Variants in ERBB4 observed in about 807,000 individuals in gnomAD.
ERBB4 encodes receptor tyrosine-protein kinase erbB-4.
Under a neutral mutation model 158.0 loss-of-function variants are expected in ERBB4, and 42 were observed. The observed-to-expected ratio is 0.27, with a 90% CI of 0.21 to 0.34. ERBB4 has a LOEUF of 0.34. Ranked by LOEUF, ERBB4 falls within the 10% of genes least tolerant of loss-of-function variation. The pLI, the probability that ERBB4 is intolerant of heterozygous loss-of-function variation, is 1.00. For missense variants in ERBB4, 1,333 were observed against 1,624.1 expected, an observed-to-expected ratio of 0.82 and a Z score of 3.08; for synonymous variants, 583 against 558.7, an observed-to-expected ratio of 1.04 and a Z score of -0.61.
chr2:212,098,457 C>T (rs1357997142), intron 2 of ERBB4, among the ~76,000 whole-genome samples: 1 of 152,044 alleles, frequency 6.6e-6, no homozygotes, highest in African/African-American at 2.4e-5. Context: ...TTATCTAGGT[C>T]TTATCAATGT....
chr2:212,083,530 T>C (rs77824825), intron 2 of ERBB4, among the ~76,000 whole-genome samples: 22,125 of 151,630 alleles, frequency 0.15, 2,059 homozygotes, highest in Non-Finnish European at 0.2. Context: ...GACAGTAAAA[T>C]AGTCAAGAGA....
intron 16 of ERBB4, among the ~76,000 whole-genome samples, chr2:211,656,550 A>G (rs1337469784): frequency 6.6e-6 from 1 of 152,212 alleles, no homozygotes; most frequent in Non-Finnish European, 1.5e-5. Flanking sequence ...TGATAAGCAC[A>G]TGCTTTTGTA....
At chr2:211,917,809 G>GC (rs1237125682) in intron 3 of ERBB4, among the ~76,000 whole-genome samples, 2 of 152,168 alleles carry the variant, frequency 1.3e-5, no homozygotes, top group Admixed American at 6.6e-5. Flanking sequence ...CCTGAACTGA[G>GC]CATTCACTGA....
intron 2 of ERBB4, among the ~76,000 whole-genome samples, chr2:212,025,447 G>A (rs1190142368): frequency 1.3e-5 from 2 of 151,712 alleles, no homozygotes; most frequent in Non-Finnish European, 3.0e-5. Flanking sequence ...AGAAAGTCTT[G>A]TCCAAAGAGA....
intron 1 of ERBB4, among the ~76,000 whole-genome samples, chr2:212,440,109 C>T (rs989806159): frequency 6.6e-6 from 1 of 152,112 alleles, no homozygotes; most frequent in African/African-American, 2.4e-5. Context: ...AGTAGATGTC[C>T]TTAATTAGCC....
At chr2:211,785,396 C>T (rs967240721) in intron 4 of ERBB4, among the ~76,000 whole-genome samples, 1 of 152,184 alleles carries the variant, frequency 6.6e-6, no homozygotes, top group Non-Finnish European at 1.5e-5. Flanking sequence ...CCACCGCCCC[C>T]AGCCGCACAG....
chr2:211,561,737 C>A, intron 20 of ERBB4, 166 bp downstream of exon 20: 2 of 670,672 alleles, frequency 3.0e-6, no homozygotes, highest in Non-Finnish European at 2.7e-6. Context: ...CGCATTTAAT[C>A]TGTAGTTTAC....
At chr2:212,065,026 TGTTG>T (rs1190090040) in intron 2 of ERBB4, among the ~76,000 whole-genome samples, 26 of 144,128 alleles carry the variant, frequency 1.8e-4, no homozygotes, top group South Asian at 4.6e-4. Context: ...TGTGTGTGTG[TGTTG>T]TGTGTGTGTG....
chr2:211,551,908 A>G (rs2067107756), intron 20 of ERBB4, among the ~76,000 whole-genome samples: 1 of 152,230 alleles, frequency 6.6e-6, no homozygotes, highest in South Asian at 2.1e-4. Context: ...AGGTAAATGA[A>G]GGCTCTGCTC....
At chr2:211,939,966 A>AAAAAATAT (rs1491239788) in intron 3 of ERBB4, among the ~76,000 whole-genome samples, 27 of 137,386 alleles carry the variant, frequency 2.0e-4, no homozygotes, top group Non-Finnish European at 2.9e-4. Context: ...GGAAAAAAAA[A>AAAAAATAT]ATATATATAT....
chr2:211,942,638 T>C (rs1162883623), intron 3 of ERBB4, among the ~76,000 whole-genome samples: 6 of 152,106 alleles, frequency 3.9e-5, no homozygotes, highest in Non-Finnish European at 2.9e-5. Flanking sequence ...TGTTTGTCCA[T>C]ACCTCAGATA....
At chr2:212,385,385 A>C (rs2090641878) in intron 1 of ERBB4, among the ~76,000 whole-genome samples, 2 of 151,924 alleles carry the variant, frequency 1.3e-5, no homozygotes, top group Admixed American at 1.3e-4. Context: ...TGTACTCCTC[A>C]CTCATCGACA....
At chr2:212,150,589 T>A in intron 1 of ERBB4, among the ~76,000 whole-genome samples, 1 of 152,138 alleles carries the variant, frequency 6.6e-6, no homozygotes, top group East Asian at 1.9e-4. Flanking sequence ...TCCCCCAAGA[T>A]GAGATAATTT....
chr2:212,379,963 C>A (rs918264006), intron 1 of ERBB4, among the ~76,000 whole-genome samples: 2 of 151,436 alleles, frequency 1.3e-5, no homozygotes, highest in Non-Finnish European at 3.0e-5. Flanking sequence ...ACCTACCAGG[C>A]ACCTGTATCA....
At chr2:211,978,392 G>GTCTCTTTCTTTCTATCTA (rs1165469722) in intron 2 of ERBB4, among the ~76,000 whole-genome samples, 1 of 102,246 alleles carries the variant, frequency 9.8e-6, no homozygotes, top group Non-Finnish European at 2.1e-5. Context: ...CTGTCTGTCT[G>GTCTCTTTCTTTCTATCTA]TCTGTCTATC....
Position 211,594,456 on chromosome 2 carries a change from A to C in ERBB4, c.2301+24721T>G, listed in dbSNP as rs537547675. On this transcript the variant is annotated intron_variant, in intron 19 of 27. Coordinates refer to ENST00000342788, the MANE Select transcript of ERBB4 (RefSeq NM_005235.3). ...TCCATTTCTACAAAAATAACAAATA[A>C]AAAAAAAAAACTAAGCAATAATTTG... 5.2e-3 allele frequency among the ~76,000 whole-genome samples: 774 copies of C among 150,048 alleles called. 8 individuals are homozygous for C. The highest frequency in any genetic ancestry group is 0.018 in the African/African-American group (749 of 41,014).
At chr2:211,958,306 A>T (rs969941763) in intron 2 of ERBB4, among the ~76,000 whole-genome samples, 5 of 152,144 alleles carry the variant, frequency 3.3e-5, no homozygotes, top group African/African-American at 9.6e-5. Flanking sequence ...GGATACAATC[A>T]GGACTACAAA....
chr2:211,792,316 C>T (rs1024703626), intron 3 of ERBB4, among the ~76,000 whole-genome samples: 1 of 151,356 alleles, frequency 6.6e-6, no homozygotes, highest in African/African-American at 2.4e-5. Flanking sequence ...ATGCAAGGCT[C>T]AAGGTGATAC....
chr2:212,470,980 A>G (rs1254954366), intron 1 of ERBB4, among the ~76,000 whole-genome samples: 1 of 152,082 alleles, frequency 6.6e-6, no homozygotes, highest in Non-Finnish European at 1.5e-5. Flanking sequence ...TAGATGCTTT[A>G]TAAAGTATGG....
Sources: gnomAD v4.1 joint callset for allele counts (sites outside exome capture counted in the v4.1 genomes callset) on GRCh38, gnomAD v4.1.1 for gene constraint, MANE v1.5 for transcripts, NCBI Gene and HGNC (gene_info 2026-07-23, HGNC 2026-07-21) for gene names.